CELF5: variants seen among roughly 807,000 people sequenced by gnomAD.
CELF5 encodes CUG-BP and ETR-3 like factor 5.
Under a neutral mutation model 54.9 loss-of-function variants are expected in CELF5, and 6 were observed. The observed-to-expected ratio is 0.11, with a 90% CI of 0.06 to 0.22. CELF5 has a LOEUF of 0.22. CELF5 is among the 10% of genes least tolerant of loss of function. The pLI, the probability that CELF5 is intolerant of heterozygous loss-of-function variation, is 1.00. For missense variants in CELF5, 401 were observed against 678.6 expected, an observed-to-expected ratio of 0.59 and a Z score of 4.54; for synonymous variants, 271 against 290.9, an observed-to-expected ratio of 0.93 and a Z score of 0.70.
intron 2 of CELF5, among the ~76,000 whole-genome samples, chr19:3,258,150 G>T (rs56192531): frequency 6.6e-6 from 1 of 151,780 alleles, no homozygotes; most frequent in Non-Finnish European, 1.5e-5. Flanking sequence ...TAGAGATGGC[G>T]TTTCACCATG....
chr19:3,234,092 A>G (rs1917405372), intron 1 of CELF5, among the ~76,000 whole-genome samples: 1 of 152,090 alleles, frequency 6.6e-6, no homozygotes, highest in African/African-American at 2.4e-5. Context: ...CACTAGGGGG[A>G]AGGACCAGAG....
chr19:3,236,988 CAA>C (rs59437366), intron 1 of CELF5, among the ~76,000 whole-genome samples: 17,982 of 106,876 alleles, frequency 0.17, 1,427 homozygotes, highest in East Asian at 0.26. Context: ...GACTCCATCT[CAA>C]AAAAAAAAAA....
intron 12 of CELF5, chr19:3,294,607 G>A (rs1212745972): frequency 1.1e-4 from 16 of 152,010 alleles, no homozygotes; most frequent in Admixed American, 1.0e-3. Flanking sequence ...GCTGCTCTCT[G>A]CGATCCCTTC....
rs775818499 is a variant in CELF5 at position 3,275,848 on chromosome 19, G to T, written c.395-8G>T. ...GGACTCGGCTGAGGTGGGTGTCGCC[G>T]CCCACAGGGGACCGGAAGCTGTTCG... On this transcript the variant is annotated splice_region_variant and splice_polypyrimidine_tract_variant and intron_variant, in intron 3 of 12. Coordinates refer to ENST00000292672, the MANE Select transcript of CELF5 (RefSeq NM_021938.4). This position sits in a 1 kb window ranked among gnomAD's most constrained non-coding sequence, Gnocchi z 6.7. 3 of 1,603,454 alleles carry T rather than the reference G, an allele frequency of 1.9e-6. No homozygotes were observed. Among genetic ancestry groups the T allele is most frequent in the Non-Finnish European group, 1.7e-6 (2 of 1,172,746 alleles).
chr19:3,293,643 A>C, intron 12 of CELF5, 157 bp downstream of exon 12: 1 of 625,260 alleles, frequency 1.6e-6, no homozygotes, highest in African/African-American at 1.8e-5. Flanking sequence ...ACAGAGCTGG[A>C]TGTAGACACC....
At chr19:3,285,085 C>A in intron 9 of CELF5, 121 bp downstream of exon 9, 1 of 763,838 alleles carries the variant, frequency 1.3e-6, no homozygotes, top group Non-Finnish European at 2.1e-6. Context: ...CTACCTCTGG[C>A]CCCGCCCCTC....
At chr19:3,227,514 G>A (rs1181436644) in intron 1 of CELF5, among the ~76,000 whole-genome samples, 7 of 152,024 alleles carry the variant, frequency 4.6e-5, no homozygotes, top group African/African-American at 2.4e-5. Context: ...GATGCCCGGC[G>A]GGGCCCATGA....
intron 2 of CELF5, among the ~76,000 whole-genome samples, chr19:3,253,683 C>T (rs987396018): frequency 1.3e-5 from 2 of 152,208 alleles, no homozygotes; most frequent in African/African-American, 4.8e-5. Flanking sequence ...CAATACTGGA[C>T]TTGTCCAAGG....
rs574778748 is a variant in CELF5, at chr19:3,296,894, C to T, written c.*177C>T. 6.6e-5 allele frequency: 10 copies of T among 151,708 alleles called. No homozygotes were observed. Among genetic ancestry groups the T allele is most frequent in the African/African-American group, 2.2e-4 (9 of 41,378 alleles). The allele number at this position is 151,708 out of a possible 1,614,324, so 9.4% of individuals were successfully genotyped here. A position where few individuals can be genotyped will look rare whatever the true frequency, so the allele number is the denominator to read the frequency against. On this transcript the variant is annotated 3_prime_UTR_variant, in exon 13 of 13. Transcript: ENST00000292672. ...AAGAACTTGGAACTTTGGGTTGACT[C>T]GGTTTGAGTTTTGTGTCAAAGAAGA...
At chr19:3,245,867 A>G (rs970303996) in intron 1 of CELF5, among the ~76,000 whole-genome samples, 2 of 152,184 alleles carry the variant, frequency 1.3e-5, no homozygotes, top group African/African-American at 4.8e-5. Context: ...TTAAAATCTC[A>G]ATGAAATACA....
intron 8 of CELF5, 81 bp from the exon 9 acceptor site, chr19:3,284,821 T>C (rs3746064): frequency 0.59 from 704,883 of 1,194,188 alleles, 217,982 homozygotes; most frequent in Middle Eastern, 0.67. Context: ...TTTGTTGCTG[T>C]CCTTGCGGCT....
chr19:3,238,039 G>T (rs898668415), intron 1 of CELF5, among the ~76,000 whole-genome samples: 1 of 149,186 alleles, frequency 6.7e-6, no homozygotes, highest in Non-Finnish European at 1.5e-5. Context: ...AAAGAGAGAG[G>T]CTCTGTCTCA....
chr19:3,248,859 TTCCTTCCTTC>T (rs1568337724), intron 1 of CELF5, among the ~76,000 whole-genome samples: 1 of 72,434 alleles, frequency 1.4e-5, no homozygotes, highest in African/African-American at 4.2e-5. Context: ...TCTTTCTTCC[TTCCTTCCTTC>T]CTTCCTTCCT....
At chr19:3,289,784 T>A (rs184824422) in intron 10 of CELF5, among the ~76,000 whole-genome samples, 79 of 151,570 alleles carry the variant, frequency 5.2e-4, no homozygotes, top group African/African-American at 1.7e-3. Flanking sequence ...ATTATTATTA[T>A]TATTATTGCA....
intron 1 of CELF5, among the ~76,000 whole-genome samples, chr19:3,226,455 C>CACAT (rs1332031124): frequency 5.3e-5 from 8 of 151,560 alleles, no homozygotes; most frequent in African/African-American, 1.9e-4. Context: ...CACACACACA[C>CACAT]ACACACACAC....
intron 4 of CELF5, among the ~76,000 whole-genome samples, chr19:3,276,235 C>G (rs2080049533): frequency 4.6e-5 from 2 of 43,086 alleles, no homozygotes; most frequent in Admixed American, 6.3e-4. Context: ...GGAGCTGCCT[C>G]TGAGGGCGGG....
intron 1 of CELF5, among the ~76,000 whole-genome samples, chr19:3,244,267 C>T (rs553081806): frequency 1.3e-5 from 2 of 151,682 alleles, no homozygotes; most frequent in South Asian, 4.2e-4. Context: ...TGGGCCTGTG[C>T]GTGCGAGTGT....
intron 2 of CELF5, among the ~76,000 whole-genome samples, chr19:3,266,178 C>T (rs1273594630): frequency 5.3e-5 from 8 of 152,122 alleles, no homozygotes; most frequent in African/African-American, 9.7e-5. Context: ...TGGGACGTTT[C>T]GGGTCATTGG....
intron 2 of CELF5, among the ~76,000 whole-genome samples, chr19:3,262,349 T>A (rs1275960647): frequency 1.3e-5 from 2 of 152,176 alleles, no homozygotes; most frequent in Non-Finnish European, 2.9e-5. Flanking sequence ...TTTTTAATGT[T>A]ACTTAGTTTT....
Sources: allele counts gnomAD v4.1 joint callset (sites outside exome capture counted in the v4.1 genomes callset), GRCh38; gene constraint gnomAD v4.1.1; non-coding constraint Gnocchi (gnomAD v3.1); transcripts MANE v1.5; gene names NCBI Gene and HGNC (gene_info 2026-07-23, HGNC 2026-07-21).